The following ERBB2 variants were observed in gnomAD, a reference collection of about 807,000 sequenced individuals.
ERBB2 encodes the protein receptor tyrosine-protein kinase erbB-2.
Under a neutral mutation model 149.0 loss-of-function variants are expected in ERBB2, and 61 were observed. The observed-to-expected ratio is 0.41, with a 90% confidence interval of 0.33 to 0.51. ERBB2 has a LOEUF of 0.51. Ranked by LOEUF, ERBB2 falls within the 20% of genes least tolerant of loss-of-function variation. The probability of loss-of-function intolerance (pLI) is 0.25; values close to 1 mark genes in which losing one functional copy is unlikely to be tolerated. For synonymous variants in ERBB2, 633 were observed against 678.8 expected, an observed-to-expected ratio of 0.93 and a Z score of 1.05; for missense variants, 1,205 against 1,655.1, an observed-to-expected ratio of 0.73 and a Z score of 4.72.
chr17:39,724,010 C>T lies in ERBB2; in HGVS notation c.2307C>T (p.Asp769=), dbSNP rs774610157. ...CCAAAGCCAACAAAGAAATCTTAGA[C>T]GTAAGCCCCTCCACCCTCTCCTGCT... ...TSPKANKEIL[D]EAYVMAGVGS... is the part of the protein sequence containing the mutation. The change falls in exon 19 of 27, where the codon GAC becomes GAT. Residue 769 remains aspartate, a splice_region_variant and synonymous_variant. Coordinates refer to ENST00000269571, the MANE Select transcript of ERBB2 (RefSeq NM_004448.4). The T allele has an allele frequency of 4.9e-5, 79 of 1,610,112 alleles. 1 individual carries two copies. The highest frequency in any genetic ancestry group is 1.7e-4 in the Middle Eastern group (1 of 6,004).
Position 39,723,749 on chromosome 17 carries a change from G to A in ERBB2, c.2208+89G>A. 1.9e-6 allele frequency: 3 copies of A among 1,542,346 alleles called. No homozygotes were observed. Among genetic ancestry groups the A allele is most frequent in the Non-Finnish European group, 2.6e-6 (3 of 1,139,324 alleles). On this transcript the variant is annotated intron_variant, in intron 18 of 26. Coordinates refer to ENST00000269571, the MANE Select transcript of ERBB2 (RefSeq NM_004448.4). This position sits in a 1 kb window ranked among gnomAD's most constrained non-coding sequence, Gnocchi z 6.2. ...TCGGCAGTTCTGATGGGAGGGGCAA[G>A]AGCTGGAGGCAGTGTTTGGGGGAGG... is the stretch of plus-strand genomic sequence containing the variant.
chr17:39,714,057 CAA>C (rs34185413), intron 9 of ERBB2, among the ~76,000 whole-genome samples: 1,212 of 94,686 alleles, frequency 0.013, 17 homozygotes, highest in Middle Eastern at 0.11. Context: ...GACCCTGTCT[CAA>C]AAAAAAAAAA....
chr17:39,695,701 GCATACACA>G (rs2057842380), upstream of ERBB2, among the ~76,000 whole-genome samples: 1 of 41,812 alleles, frequency 2.4e-5, no homozygotes, highest in African/African-American at 9.7e-5. Context: ...TTTGGTGCAT[GCATACACA>G]CACACACACA....
chr17:39,700,374 G>A (rs1430438960), intron 1 of ERBB2, 63 bp downstream of exon 1: 3 of 1,229,398 alleles, frequency 2.4e-6, no homozygotes, highest in East Asian at 6.3e-5. Flanking sequence ...ATGCCCCGCC[G>A]AGGTCCCGCG....
chr17:39,715,164 G>C (rs1361101590), intron 9 of ERBB2, 122 bp from the exon 10 acceptor site: 1 of 765,444 alleles, frequency 1.3e-6, no homozygotes, highest in South Asian at 1.6e-5. Context: ...GGAACAGCTG[G>C]GCTCGATGGG....
chr17:39,724,692 C>G (rs377173073), intron 19 of ERBB2, 34 bp from the exon 20 acceptor site: 3 of 1,593,882 alleles, frequency 1.9e-6, no homozygotes, highest in Non-Finnish European at 2.6e-6. Flanking sequence ...GGTGTGTGGT[C>G]TCCCATACCC....
At chr17:39,714,693 C>G (rs1170388791) in intron 9 of ERBB2, among the ~76,000 whole-genome samples, 1 of 152,058 alleles carries the variant, frequency 6.6e-6, no homozygotes, top group Non-Finnish European at 1.5e-5. Flanking sequence ...CTCTTACAAA[C>G]AGTTCCACTT....
chr17:39,725,278 C>T lies in ERBB2; in HGVS notation c.2650-49C>T, dbSNP rs2059688593. 6.2e-7 allele frequency: 1 copy of T among 1,612,460 alleles called. No homozygotes were observed. Among genetic ancestry groups the T allele is most frequent in the African/African-American group, 1.3e-5 (1 of 74,822 alleles). On this transcript the variant is annotated intron_variant, in intron 21 of 26. Transcript: ENST00000269571. This position sits in a 1 kb window ranked among gnomAD's most constrained non-coding sequence, Gnocchi z 4.6. ...AGCCCATGGGAGAACTCTGAGTGGC[C>T]ACCTCCCCACAACACACAGTTGGAG...
Position 39,712,000 on chromosome 17 carries a change from A to G in ERBB2, c.974A>G (p.Glu325Gly). The G allele has an allele frequency of 1.2e-6, 2 of 1,614,168 alleles. No homozygotes were observed. The highest frequency in any genetic ancestry group is 8.5e-7 in the Non-Finnish European group (1 of 1,180,024). Residue 325 changes from glutamate (E) to glycine (G), a missense_variant, in exon 8 of 27, where the codon GAG (glutamate) becomes GGG (glycine). By Grantham distance (98) the Glu-to-Gly change is moderately conservative. Around this residue, in one of 6 missense-constraint regions of ERBB2, gnomAD observed 569 missense variants for 803.5 expected, o/e 0.71. Coordinates refer to ENST00000269571, the MANE Select transcript of ERBB2 (RefSeq NM_004448.4). ...CTGCACAACCAAGAGGTGACAGCAGAGGATGGAACACAGCGGTGTGAGAAG... is the reference window on the plus strand; with the variant it reads ...CTGCACAACCAAGAGGTGACAGCAGGGGATGGAACACAGCGGTGTGAGAAG... Reference protein sequence around the residue: ...CPLHNQEVTAEDGTQRCEKCS... With the variant: ...CPLHNQEVTAGDGTQRCEKCS...
intron 16 of ERBB2, among the ~76,000 whole-genome samples, chr17:39,721,734 G>A (rs2059463869): frequency 1.3e-5 from 2 of 152,140 alleles, no homozygotes; most frequent in Admixed American, 1.3e-4. Flanking sequence ...CCATGCAGCA[G>A]TCAGAATCTC....
At chr17:39,710,249 A>C (rs2058718487) in intron 6 of ERBB2, 48 bp downstream of exon 6, 2 of 1,607,372 alleles carry the variant, frequency 1.2e-6, no homozygotes, top group Admixed American at 3.3e-5. Context: ...CCCAGGATGC[A>C]AGGGGTGGGC....
rs2145861593 is a variant in ERBB2, at chr17:39,725,039, C to G, written c.2494-10C>G. 1 of 1,614,106 alleles carries G rather than the reference C, an allele frequency of 6.2e-7. No homozygotes were observed. The highest frequency in any genetic ancestry group is 8.5e-7 in the Non-Finnish European group (1 of 1,180,012). On this transcript the variant is annotated splice_polypyrimidine_tract_variant and intron_variant, in intron 20 of 26. Transcript: ENST00000269571. This position sits in a 1 kb window ranked among gnomAD's most constrained non-coding sequence, Gnocchi z 4.6. ...TCCCAGAAGGTCTACATGGGTGCTTCCCATTCCAGGGGATGAGCTACCTGG... is the reference window on the plus strand; with the variant it reads ...TCCCAGAAGGTCTACATGGGTGCTTGCCATTCCAGGGGATGAGCTACCTGG...
rs750301449 is a variant in ERBB2 at position 39,723,465 on chromosome 17, G to C, written c.2085+8G>C. On this transcript the variant is annotated splice_region_variant and intron_variant, in intron 17 of 26. Coordinates refer to ENST00000269571, the MANE Select transcript of ERBB2 (RefSeq NM_004448.4). The surrounding 1 kb of genome is among the most constrained non-coding windows in gnomAD (Gnocchi z 6.2). ...CTGCTGCAGGAAACGGAGGTGAGGC[G>C]GGGTGAAGTCCTCCCAGCCCGCGTG... 8 of 1,614,106 alleles carry C rather than the reference G, an allele frequency of 5.0e-6. No individual in the cohort carries two copies. The highest frequency in any genetic ancestry group is 6.8e-6 in the Non-Finnish European group (8 of 1,180,008).
At chr17:39,711,381 G>A (rs1346727722) in intron 7 of ERBB2, among the ~76,000 whole-genome samples, 3 of 150,972 alleles carry the variant, frequency 2.0e-5, no homozygotes, top group African/African-American at 7.3e-5. Context: ...TAGTAGAGAC[G>A]GAGTTTCACT....
rs1025566357 is a variant in ERBB2, at chr17:39,700,175, C to T, written c.-64C>T. 25 of 1,352,206 alleles carry T rather than the reference C, an allele frequency of 1.8e-5. No individual in the cohort carries two copies. Among genetic ancestry groups the T allele is most frequent in the Non-Finnish European group, 2.4e-5 (25 of 1,059,364 alleles). The allele number at this position is 1,352,206 out of a possible 1,614,324, so 83.8% of individuals were successfully genotyped here. A position where few individuals can be genotyped will look rare whatever the true frequency, so the allele number is the denominator to read the frequency against. On this transcript the variant is annotated 5_prime_UTR_variant, in exon 1 of 27. Coordinates refer to ENST00000269571, the MANE Select transcript of ERBB2 (RefSeq NM_004448.4). The stretch of plus-strand genomic sequence containing the variant: ...CCGGCCCCCACCCCTCGCAGCACCC[C>T]GCGCCCCGCGCCCTCCCAGCCGGGT...
Position 39,710,175 on chromosome 17 carries a change from AC to A in ERBB2, c.734del (p.Thr245ArgfsTer52). 1 of 1,612,880 alleles carries A rather than the reference AC, an allele frequency of 6.2e-7. No individual in the cohort carries two copies. The highest frequency in any genetic ancestry group is 8.5e-7 in the Non-Finnish European group (1 of 1,179,750). ...CCHEQCAAGC[T>X]GPKHSDCLAC... is the part of the protein sequence containing the mutation. ...CCATGAGCAGTGTGCTGCCGGCTGCACGGGCCCCAAGCACTCTGACTGCCTG... is the reference window on the plus strand; with the variant it reads ...CCATGAGCAGTGTGCTGCCGGCTGCAGGGCCCCAAGCACTCTGACTGCCTG... On this transcript the variant is annotated frameshift_variant, in exon 6 of 27. Transcript: ENST00000269571. LOFTEE classifies it high-confidence loss of function.
At chr17:39,711,904 G>T (rs2145557150) in intron 7 of ERBB2, 24 bp from the exon 8 acceptor site, 2 of 1,613,878 alleles carry the variant, frequency 1.2e-6, no homozygotes, top group Non-Finnish European at 8.5e-7. Context: ...AGGGTATGTG[G>T]CTACATGTTC....
At chr17:39,721,928 T>TTAC (rs1232345874) in intron 16 of ERBB2, among the ~76,000 whole-genome samples, 2 of 152,068 alleles carry the variant, frequency 1.3e-5, no homozygotes, top group Admixed American at 6.6e-5. Flanking sequence ...TTATTTATTA[T>TTAC]TTATTTTGAG....
rs2143323895 is a variant in ERBB2, at chr17:39,728,037, C to T, written c.3761C>T (p.Pro1254Leu). The T allele has an allele frequency of 6.3e-7, 1 of 1,579,316 alleles. No individual in the cohort carries two copies. The highest frequency in any genetic ancestry group is 8.6e-7 in the Non-Finnish European group (1 of 1,163,016). Residue 1254 changes from proline to leucine, a missense_variant, in exon 27 of 27, where the codon CCA (proline) becomes CTA (leucine). Around this residue, in one of 6 missense-constraint regions of ERBB2, gnomAD observed 312 missense variants for 343.8 expected, o/e 0.91. Coordinates refer to ENST00000269571, the MANE Select transcript of ERBB2 (RefSeq NM_004448.4). ...CCAGAGTACCTGGGTCTGGACGTGC[C>T]AGTGTGAACCAGAAGGCCAAGTCCG... is the stretch of plus-strand genomic sequence containing the variant. ...ENPEYLGLDV[P>L]V
Sources: allele counts gnomAD v4.1 joint callset (sites outside exome capture counted in the v4.1 genomes callset), GRCh38; gene constraint gnomAD v4.1.1; regional missense constraint gnomAD v4.1.1; non-coding constraint Gnocchi (gnomAD v3.1); transcripts MANE v1.5; gene names NCBI Gene and HGNC (gene_info 2026-07-23, HGNC 2026-07-21).